DENND5B: variants seen among roughly 807,000 people sequenced by gnomAD.
The protein encoded by DENND5B is DENN domain-containing protein 5B.
DENND5B carries 34 observed loss-of-function variants against 140.6 expected under a neutral mutation model. The ratio of observed to expected loss-of-function variants is 0.24; its 90% CI spans 0.18 to 0.32. The LOEUF (loss-of-function observed/expected upper bound fraction) is 0.32. Ranked by LOEUF, DENND5B falls within the 10% of genes least tolerant of loss-of-function variation. The probability of loss-of-function intolerance (pLI) is 1.00; values close to 1 mark genes in which losing one functional copy is unlikely to be tolerated. For missense variants in DENND5B, 1,142 were observed against 1,560.2 expected (o/e 0.73, Z 4.52); for synonymous variants, 551 against 562.1 (o/e 0.98, Z 0.28).
chr12:31,455,924 C>T (rs188356666), intron 4 of DENND5B, among the ~76,000 whole-genome samples: 3 of 152,250 alleles, frequency 2.0e-5, no homozygotes, highest in Non-Finnish European at 4.4e-5. Flanking sequence ...GAGGTTGAGG[C>T]AGGAGAATCA....
Position 31,440,924 on chromosome 12 carries a change from C to T in DENND5B, c.2012+1851G>A, listed in dbSNP as rs186800700. Among the ~76,000 whole-genome samples the T allele has an allele frequency of 1.8e-3, 281 of 152,212 alleles. 4 individuals carry two copies. The highest frequency in any genetic ancestry group is 1.2e-3 in the Non-Finnish European group (79 of 68,000). ...CTAATTTTTGTATTTTTAGTAGAGA[C>T]GGGGTTTCGCCACATTGGCCAGGCT... On this transcript the variant is annotated intron_variant, in intron 7 of 20. Coordinates refer to ENST00000389082, the MANE Select transcript of DENND5B (RefSeq NM_144973.4).
intron 1 of DENND5B, among the ~76,000 whole-genome samples, chr12:31,564,288 T>C (rs1949561438): frequency 6.6e-6 from 1 of 152,128 alleles, no homozygotes; most frequent in African/African-American, 2.4e-5. Context: ...CTACTCTTTA[T>C]TGATTACATC....
At position 31,561,068 on chromosome 12, in the gene DENND5B, C is replaced by T. The variant is rs150535200; in HGVS notation, c.127+29638G>A. Among the ~76,000 whole-genome samples, 467 of 152,056 alleles carry T rather than the reference C, an allele frequency of 3.1e-3. 1 individual carries two copies. Among genetic ancestry groups the T allele is most frequent in the African/African-American group, 0.011 (437 of 41,450 alleles). ...ATTTGCTGGAACCTTTGTCAAGATC[C>T]CAGTTATGTTCAGGGATTTAAAAAG... On this transcript the variant is annotated intron_variant, in intron 1 of 20. Transcript: ENST00000389082.
rs552609594 is a variant in DENND5B, at chr12:31,537,485, A to T, written c.128-41566T>A. 2.6e-5 allele frequency among the ~76,000 whole-genome samples: 4 copies of T among 152,288 alleles called. No individual in the cohort carries two copies. In the East Asian group the frequency reaches 7.7e-4, roughly 29 times the overall value. ...ATACAACAGATACGCTGAAAATAAA[A>T]AATAAGAAATTAAAATCATACCACC... On this transcript the variant is annotated intron_variant, in intron 1 of 20. Transcript: ENST00000389082.
In DENND5B at chr12:31,387,483, T is replaced by C. The variant is rs1218415691; in HGVS notation, c.*120A>G. On this transcript the variant is annotated 3_prime_UTR_variant, in exon 21 of 21. Coordinates refer to ENST00000389082, the MANE Select transcript of DENND5B (RefSeq NM_144973.4). ...GCCTTGTCTGTAGAGTGAGGATTGTTCCAAATGGGGCATATGTTTGGCTGC... is the reference window on the plus strand; with the variant it reads ...GCCTTGTCTGTAGAGTGAGGATTGTCCCAAATGGGGCATATGTTTGGCTGC... 2.0e-6 allele frequency: 2 copies of C among 1,012,770 alleles called. No individual in the cohort carries two copies. The highest frequency in any genetic ancestry group is 2.9e-6 in the Non-Finnish European group (2 of 693,370). 62.7% of individuals were successfully genotyped at this position (1,012,770 alleles called of 1,614,324 possible).
At chr12:31,397,123 T>A (rs1941516283) in intron 17 of DENND5B, among the ~76,000 whole-genome samples, 3 of 152,194 alleles carry the variant, frequency 2.0e-5, no homozygotes, top group Admixed American at 2.0e-4. Flanking sequence ...AAGTTTACTA[T>A]ATTACTAAAA....
chr12:31,541,006 G>C (rs1948666006), intron 1 of DENND5B: 1 of 453,184 alleles, frequency 2.2e-6, no homozygotes, highest in African/African-American at 2.0e-5. Flanking sequence ...TCTTTACGCA[G>C]AAGAATGAAG....
rs909794224 is a variant in DENND5B, at chr12:31,385,373, C to T, written c.*2230G>A. On this transcript the variant is annotated 3_prime_UTR_variant, in exon 21 of 21. Transcript: ENST00000389082. ...CTCTCTATTCCTTAAGTGTTCCCAT[C>T]CACAAAGTAAGAAGGCTGGATGAGG... 2.0e-5 allele frequency: 3 copies of T among 152,288 alleles called. No homozygotes were observed. Among genetic ancestry groups the T allele is most frequent in the Non-Finnish European group, 2.9e-5 (2 of 68,030 alleles). 9.4% of individuals were successfully genotyped at this position (152,288 alleles called of 1,614,324 possible). A position where few individuals can be genotyped will look rare whatever the true frequency, so the allele number is the denominator to read the frequency against.
Position 31,424,438 on chromosome 12 carries a change from G to A in DENND5B, c.2391+97C>T, listed in dbSNP as rs570628429. 3.9e-5 allele frequency: 54 copies of A among 1,379,974 alleles called. No homozygotes were observed. In the African/African-American group the frequency reaches 7.1e-4, roughly 18 times the overall value. 85.5% of individuals were successfully genotyped at this position (1,379,974 alleles called of 1,614,324 possible). A position where few individuals can be genotyped will look rare whatever the true frequency, so the allele number is the denominator to read the frequency against. ...TTTTTCTAGTCCCCTTGTGACAAAA[G>A]AGCCTATTTTTTTTTAATGACATAT... On this transcript the variant is annotated intron_variant, in intron 10 of 20. Coordinates refer to ENST00000389082, the MANE Select transcript of DENND5B (RefSeq NM_144973.4).
intron 11 of DENND5B, chr12:31,420,158 G>GA: frequency 1.3e-6 from 1 of 748,280 alleles, no homozygotes; most frequent in Non-Finnish European, 1.6e-6. Flanking sequence ...ACAGGGTCTT[G>GA]CTCTGTCACC....
intron 1 of DENND5B, among the ~76,000 whole-genome samples, chr12:31,535,400 A>G (rs960205642): frequency 6.6e-6 from 1 of 151,668 alleles, no homozygotes; most frequent in Non-Finnish European, 1.5e-5. Flanking sequence ...AGAGAAAGAG[A>G]GAGAGAGAGA....
chr12:31,558,520 G>C (rs1346728195), intron 1 of DENND5B, among the ~76,000 whole-genome samples: 1 of 152,154 alleles, frequency 6.6e-6, no homozygotes, highest in East Asian at 1.9e-4. Context: ...TTCATTCCTA[G>C]CCTTTTAGTT....
chr12:31,479,465 C>T, intron 3 of DENND5B, 124 bp downstream of exon 3: 1 of 953,460 alleles, frequency 1.0e-6, no homozygotes, highest in African/African-American at 1.7e-5. Flanking sequence ...ATACCTGCTC[C>T]CTTTACACAA....
intron 20 of DENND5B, 83 bp downstream of exon 20, chr12:31,389,241 A>G: frequency 7.9e-7 from 1 of 1,259,234 alleles, no homozygotes; most frequent in Non-Finnish European, 1.1e-6. Flanking sequence ...GAGCTCTGGA[A>G]GGGGTATGAT....
intron 2 of DENND5B, among the ~76,000 whole-genome samples, chr12:31,494,194 A>ACCCC (rs1946664687): frequency 1.2e-5 from 1 of 85,776 alleles, no homozygotes; most frequent in Admixed American, 1.2e-4. Context: ...CCATCCATCC[A>ACCCC]TCCATCCACC....
intron 3 of DENND5B, chr12:31,477,897 G>A (rs1945890308): frequency 4.4e-6 from 1 of 226,900 alleles, no homozygotes; most frequent in Admixed American, 4.2e-5. Flanking sequence ...TTCCAACTGA[G>A]GAGGACATGT....
At chr12:31,447,413 A>G (rs1315234698) in intron 6 of DENND5B, 125 bp downstream of exon 6, 6 of 803,222 alleles carry the variant, frequency 7.5e-6, no homozygotes, top group Non-Finnish European at 1.1e-5. Flanking sequence ...ATTTCGTGAT[A>G]TAGTACCAGG....
chr12:31,570,280 T>C (rs1344249696), intron 1 of DENND5B, among the ~76,000 whole-genome samples: 9 of 149,806 alleles, frequency 6.0e-5, no homozygotes, highest in African/African-American at 1.2e-4. Flanking sequence ...TCTCTCTCTT[T>C]TTTTTTTTTT....
chr12:31,575,082 A>G (rs1374047105), intron 1 of DENND5B, among the ~76,000 whole-genome samples: 2 of 152,228 alleles, frequency 1.3e-5, no homozygotes, highest in Non-Finnish European at 1.5e-5. Flanking sequence ...AATCCTGACA[A>G]AAGTTTATTT....
Sources: gnomAD v4.1 joint callset for allele counts (sites outside exome capture counted in the v4.1 genomes callset) on GRCh38, gnomAD v4.1.1 for gene constraint, MANE v1.5 for transcripts, NCBI Gene and HGNC (gene_info 2026-07-23, HGNC 2026-07-21) for gene names.